The following KCNS3 variants were observed in gnomAD, a reference collection of about 807,000 sequenced individuals.
KCNS3 encodes the protein potassium voltage-gated channel modifier subfamily S member 3, also known as delayed-rectifier potassium channel regulatory subunit KCNS3.
In KCNS3, 13 loss-of-function variants were observed where a neutral mutation model predicts 31.0. The ratio of observed to expected loss-of-function variants is 0.42; its 90% CI spans 0.27 to 0.67. The LOEUF (loss-of-function observed/expected upper bound fraction) is 0.67. KCNS3 is among the 30% of genes least tolerant of loss of function. The probability of loss-of-function intolerance (pLI) is 0.25; values close to 1 mark genes in which losing one functional copy is unlikely to be tolerated. For missense variants in KCNS3, 545 were observed against 622.4 expected, an observed-to-expected ratio of 0.88 and a Z score of 1.32; for synonymous variants, 238 against 241.5, an observed-to-expected ratio of 0.99 and a Z score of 0.13.
chr2:17,882,550 G>T lies in KCNS3; in HGVS notation c.-252+3744G>T, dbSNP rs575622667. Reference sequence around the variant, plus strand: ...GAGAGTCCTTGGGGAGTGGGGAACTGAGTTTGAATTTCATCCTGGACCTGG... The same window carrying T: ...GAGAGTCCTTGGGGAGTGGGGAACTTAGTTTGAATTTCATCCTGGACCTGG... On this transcript the variant is annotated intron_variant, in intron 1 of 2. Transcript: ENST00000304101. Among the ~76,000 whole-genome samples the T allele has an allele frequency of 5.3e-5, 8 of 152,294 alleles. 1 individual carries two copies. The East Asian group carries it at 1.5e-3, about 29-fold the overall frequency.
upstream of KCNS3, among the ~76,000 whole-genome samples, chr2:17,878,516 G>C (rs1464163415): frequency 6.6e-6 from 1 of 151,354 alleles, no homozygotes; most frequent in Non-Finnish European, 1.5e-5. Flanking sequence ...CCCTCGGCCC[G>C]GGGCGCCCGG....
chr2:17,912,506 C>T (rs1381907429), intron 1 of KCNS3, among the ~76,000 whole-genome samples: 2 of 152,222 alleles, frequency 1.3e-5, no homozygotes, highest in Non-Finnish European at 2.9e-5. Flanking sequence ...CCTGTCAACA[C>T]TCAGTGACTG....
chr2:17,902,617 G>A (rs1472606194), intron 1 of KCNS3, among the ~76,000 whole-genome samples: 9 of 152,122 alleles, frequency 5.9e-5, no homozygotes, highest in Admixed American at 5.9e-4. Flanking sequence ...CTTTACTAGT[G>A]TTAAATGCAT....
rs965768949 is a variant in KCNS3, at chr2:17,878,687, C to T, written c.-371C>T. The T allele has an allele frequency of 5.3e-5, 8 of 150,202 alleles. No individual in the cohort carries two copies. Among genetic ancestry groups the T allele is most frequent in the African/African-American group, 1.7e-4 (7 of 41,158 alleles). The allele number at this position is 150,202 out of a possible 1,614,324, so 9.3% of individuals were successfully genotyped here. A position where few individuals can be genotyped will look rare whatever the true frequency, so the allele number is the denominator to read the frequency against. On this transcript the variant is annotated 5_prime_UTR_variant, in exon 1 of 3. Transcript: ENST00000304101. Reference sequence around the variant, plus strand: ...CGGACAGACCGGCCGACGCGGGCCACCCCGCTCTCCTCGCCGCCGCGGCGG... The same window carrying T: ...CGGACAGACCGGCCGACGCGGGCCATCCCGCTCTCCTCGCCGCCGCGGCGG...
intron 1 of KCNS3, among the ~76,000 whole-genome samples, chr2:17,897,876 A>G (rs1324946109): frequency 1.3e-5 from 2 of 152,194 alleles, no homozygotes; most frequent in African/African-American, 4.8e-5. Context: ...ATTTCCTTTA[A>G]TAAATGACTT....
intron 1 of KCNS3, among the ~76,000 whole-genome samples, chr2:17,908,951 A>G (rs1662405144): frequency 6.6e-6 from 1 of 152,084 alleles, no homozygotes; most frequent in Non-Finnish European, 1.5e-5. Flanking sequence ...CAGATCTCAA[A>G]CTCTGTACTG....
chr2:17,894,788 A>G (rs1387890399), intron 1 of KCNS3, among the ~76,000 whole-genome samples: 2 of 152,174 alleles, frequency 1.3e-5, no homozygotes. Context: ...GGCTAACATC[A>G]CTGCTGGGCT....
chr2:17,902,211 T>C (rs1662192592), intron 1 of KCNS3, among the ~76,000 whole-genome samples: 1 of 152,112 alleles, frequency 6.6e-6, no homozygotes, highest in African/African-American at 2.4e-5. Flanking sequence ...CACCTGGAGA[T>C]GCCCTTAGCA....
At chr2:17,893,331 C>G (rs562594180) in intron 1 of KCNS3, among the ~76,000 whole-genome samples, 1 of 152,278 alleles carries the variant, frequency 6.6e-6, no homozygotes, top group African/African-American at 2.4e-5. Context: ...AAAACTTGCC[C>G]GAGGCCATCT....
chr2:17,904,143 T>C (rs1464763246), intron 1 of KCNS3, among the ~76,000 whole-genome samples: 1 of 152,246 alleles, frequency 6.6e-6, no homozygotes, highest in Non-Finnish European at 1.5e-5. Context: ...TTTTTAATGA[T>C]TGCCATTGTA....
At chr2:17,911,027 C>T (rs1199044929) in intron 1 of KCNS3, among the ~76,000 whole-genome samples, 2 of 152,172 alleles carry the variant, frequency 1.3e-5, no homozygotes, top group Non-Finnish European at 2.9e-5. Context: ...CTTACCCTTA[C>T]CTGGCTCCTT....
chr2:17,888,620 A>T lies in KCNS3; in HGVS notation c.-252+9814A>T, dbSNP rs1160538392. On this transcript the variant is annotated intron_variant, in intron 1 of 2. Transcript: ENST00000304101. ...TGTACCCTAGAACTTAAAGTATAAT[A>T]AAAAAAATGTATATATATATATATA... 8.6e-5 allele frequency among the ~76,000 whole-genome samples: 6 copies of T among 70,150 alleles called. No individual in the cohort carries two copies. The Admixed American group carries it at 9.1e-4, about 11-fold the overall frequency. The allele number at this position is 70,150 out of a possible 152,430, so 46.0% of individuals were successfully genotyped here. A position where few individuals can be genotyped will look rare whatever the true frequency, so the allele number is the denominator to read the frequency against.
intron 1 of KCNS3, among the ~76,000 whole-genome samples, chr2:17,901,221 G>C (rs1391053270): frequency 6.6e-5 from 10 of 152,170 alleles, no homozygotes; most frequent in African/African-American, 2.2e-4. Flanking sequence ...AAGAAATTGA[G>C]GGTAGGGAAT....
rs1553341384 is a variant in KCNS3, at chr2:17,888,626, A to AAGTAT, written c.-252+9821_-252+9822insGTATA. Among the ~76,000 whole-genome samples, 177 of 47,504 alleles carry AAGTAT rather than the reference A, an allele frequency of 3.7e-3. 1 individual carries two copies. The highest frequency in any genetic ancestry group is 5.5e-3 in the Non-Finnish European group (140 of 25,250). 31.2% of individuals were successfully genotyped at this position (47,504 alleles called of 152,430 possible). A position where few individuals can be genotyped will look rare whatever the true frequency, so the allele number is the denominator to read the frequency against. Reference sequence around the variant, plus strand: ...CTAGAACTTAAAGTATAATAAAAAAAATGTATATATATATATATATATATA... The same window carrying AAGTAT: ...CTAGAACTTAAAGTATAATAAAAAAAAGTATATGTATATATATATATATATATATA... On this transcript the variant is annotated intron_variant, in intron 1 of 2. Transcript: ENST00000304101.
intron 2 of KCNS3, among the ~76,000 whole-genome samples, chr2:17,922,252 A>T (rs752615436): frequency 3.3e-5 from 5 of 151,524 alleles, no homozygotes; most frequent in Non-Finnish European, 5.9e-5. Context: ...TTTTATCCGG[A>T]TTTTATCAGC....
At chr2:17,893,819 C>T (rs1661916324) in intron 1 of KCNS3, among the ~76,000 whole-genome samples, 2 of 151,996 alleles carry the variant, frequency 1.3e-5, no homozygotes, top group Non-Finnish European at 2.9e-5. Context: ...GGTCTGTGGT[C>T]CTCTCAGTAT....
chr2:17,882,056 A>G (rs1674656396), intron 1 of KCNS3, among the ~76,000 whole-genome samples: 1 of 152,182 alleles, frequency 6.6e-6, no homozygotes, highest in Non-Finnish European at 1.5e-5. Context: ...CTCCGACGCA[A>G]ATTTGTCAAG....
rs1473068776 is a variant in KCNS3 at position 17,904,891 on chromosome 2, C to T, written c.-251-12789C>T. Among the ~76,000 whole-genome samples the T allele has an allele frequency of 3.9e-5, 6 of 152,180 alleles. No homozygotes were observed. In the South Asian group the frequency reaches 1.0e-3, roughly 26 times the overall value. On this transcript the variant is annotated intron_variant, in intron 1 of 2. Transcript: ENST00000304101. ...TGTAGTATAGTTTGAAGTCAGGTAG[C>T]GTGATGCCTCCAGCTTTGTTCTTTG... is the stretch of plus-strand genomic sequence containing the variant.
chr2:17,898,741 C>T (rs1269408636), intron 1 of KCNS3, among the ~76,000 whole-genome samples: 1 of 152,164 alleles, frequency 6.6e-6, no homozygotes, highest in Non-Finnish European at 1.5e-5. Flanking sequence ...AGGATGTTCT[C>T]AAAGGGGCAG....
Sources: allele counts gnomAD v4.1 joint callset (sites outside exome capture counted in the v4.1 genomes callset), GRCh38; gene constraint gnomAD v4.1.1; transcripts MANE v1.5; gene names NCBI Gene and HGNC (gene_info 2026-07-23, HGNC 2026-07-21).